The following COL4A4 variants were observed in gnomAD, a reference collection of about 807,000 sequenced individuals.
COL4A4 encodes collagen type IV alpha 4 chain.
Under a neutral mutation model 192.9 loss-of-function variants are expected in COL4A4, and 105 were observed. That is an observed-to-expected ratio of 0.54 (90% confidence interval 0.46 to 0.64). COL4A4 has a LOEUF of 0.64. Ranked by LOEUF, COL4A4 falls within the 30% of genes least tolerant of loss-of-function variation. The pLI is 0.00. For missense variants in COL4A4, 1,967 were observed against 2,169.3 expected, an observed-to-expected ratio of 0.91 and a Z score of 1.85; for synonymous variants, 762 against 769.9, an observed-to-expected ratio of 0.99 and a Z score of 0.17.
intron 5 of COL4A4, 87 bp downstream of exon 5, chr2:227,120,927 A>T: frequency 6.5e-7 from 1 of 1,546,844 alleles, no homozygotes. Context: ...TGACAGAGTA[A>T]GACTGTCTAA....
At chr2:227,158,469 A>G (rs185213633) in intron 1 of COL4A4, among the ~76,000 whole-genome samples, 8 of 152,258 alleles carry the variant, frequency 5.3e-5, no homozygotes, top group African/African-American at 1.9e-4. Context: ...AAAGAAAAAA[A>G]TTATAAATTA....
intron 25 of COL4A4, among the ~76,000 whole-genome samples, chr2:227,075,866 T>C (rs2058996304): frequency 6.6e-6 from 1 of 152,046 alleles, no homozygotes; most frequent in Admixed American, 6.6e-5. Context: ...AGCCAAATCA[T>C]GAGTGAACTC....
rs1383593528 is a variant in COL4A4 at position 227,101,613 on chromosome 2, T to A, written c.976-56A>T. 6 of 1,503,270 alleles carry A rather than the reference T, an allele frequency of 4.0e-6. No homozygotes were observed. In the Admixed American group the frequency reaches 6.9e-5, roughly 17 times the overall value. The allele number at this position is 1,503,270 out of a possible 1,614,324, so 93.1% of individuals were successfully genotyped here. A position where few individuals can be genotyped will look rare whatever the true frequency, so the allele number is the denominator to read the frequency against. On this transcript the variant is annotated intron_variant, in intron 16 of 47. Coordinates refer to ENST00000396625, the MANE Select transcript of COL4A4 (RefSeq NM_000092.5). ...AAAAAAGTGACTGGGTGACAAATTA[T>A]CTCATTCTCATTTAATTTAAGCAAC...
At chr2:227,112,042 C>T (rs550089611) in intron 8 of COL4A4, among the ~76,000 whole-genome samples, 1 of 152,226 alleles carries the variant, frequency 6.6e-6, no homozygotes, top group South Asian at 2.1e-4. Flanking sequence ...TGTCTTTCCA[C>T]ACCTTGCTAT....
At chr2:227,134,656 T>C (rs2062694923) in intron 4 of COL4A4, among the ~76,000 whole-genome samples, 1 of 152,250 alleles carries the variant, frequency 6.6e-6, no homozygotes, top group African/African-American at 2.4e-5. Context: ...TATCATGGAA[T>C]GCAAGCTCTT....
At chr2:227,105,151 C>A (rs2060765479) in intron 12 of COL4A4, among the ~76,000 whole-genome samples, 1 of 148,988 alleles carries the variant, frequency 6.7e-6, no homozygotes, top group East Asian at 2.0e-4. Context: ...ATTTTGTGAG[C>A]CTTTTTCTAT....
chr2:227,119,906 C>T lies in COL4A4; in HGVS notation c.361G>A (p.Asp121Asn), dbSNP rs750148143. The T allele has an allele frequency of 1.1e-5, 17 of 1,587,806 alleles. No homozygotes were observed. The highest frequency in any genetic ancestry group is 1.5e-5 in the Non-Finnish European group (17 of 1,165,986). Residue 121 changes from aspartate (D) to asparagine (N), a missense_variant, in exon 6 of 48, where the codon GAT becomes AAT. Physicochemically the swap from Asp to Asn is conservative, Grantham distance 23. Transcript: ENST00000396625. ...TTAGGGATACTTACAGGTATGCCAT[C>T]TAAACCTGGAAATCCAGGAACACCA... ...PTGVPGFPGL[D>N]GIPGHPGPPG...
At chr2:227,028,545 G>A (rs955028814) in intron 41 of COL4A4, among the ~76,000 whole-genome samples, 1 of 151,990 alleles carries the variant, frequency 6.6e-6, no homozygotes, top group Non-Finnish European at 1.5e-5. Flanking sequence ...GTTGCTTTTT[G>A]ATAAGCTCTT....
At chr2:227,163,361 C>A (rs1327697185) in intron 1 of COL4A4, among the ~76,000 whole-genome samples, 1 of 152,236 alleles carries the variant, frequency 6.6e-6, no homozygotes, top group East Asian at 1.9e-4. Flanking sequence ...GTTGCTTAAT[C>A]GGCCTGCTGT....
At position 227,007,360 on chromosome 2, in the gene COL4A4, T is replaced by C; in HGVS notation, c.5038A>G (p.Ile1680Val). 1 of 1,614,222 alleles carries C rather than the reference T, an allele frequency of 6.2e-7. No individual in the cohort carries two copies. The highest frequency in any genetic ancestry group is 1.1e-5 in the South Asian group (1 of 91,084). ...TTCACGCAGACCTGGCACCGGCTGA[T>C]TTTCTGGCGTTGGGCCTGGCTTTCT... is the stretch of plus-strand genomic sequence containing the variant. ...LKESQAQRQK[I>V]SRCQVCVKYS is the part of the protein sequence containing the mutation. The change falls in exon 48 of 48, where the codon ATC becomes GTC. Residue 1680 changes from isoleucine (I) to valine (V), a missense_variant. Coordinates refer to ENST00000396625, the MANE Select transcript of COL4A4 (RefSeq NM_000092.5).
intron 2 of COL4A4, among the ~76,000 whole-genome samples, chr2:227,145,160 C>T (rs185479184): frequency 6.6e-6 from 1 of 152,130 alleles, no homozygotes; most frequent in African/African-American, 2.4e-5. Flanking sequence ...TAAAAGACCA[C>T]TAAAAGGCCA....
Position 227,041,858 on chromosome 2 carries a change from GAA to G in COL4A4, c.3505+288_3505+289del, listed in dbSNP as rs374732777. 5.3e-3 allele frequency among the ~76,000 whole-genome samples: 518 copies of G among 98,460 alleles called. 4 individuals are homozygous for G. Among genetic ancestry groups the G allele is most frequent in the South Asian group, 9.7e-3 (27 of 2,788 alleles). The allele number at this position is 98,460 out of a possible 152,430, so 64.6% of individuals were successfully genotyped here. Reference sequence around the variant, plus strand: ...AAAGAAAGAAAGAAAGAGAAAGAAAGAAAGAAAGAAAGAAAGAAAGAAAGAAA... The same window carrying G: ...AAAGAAAGAAAGAAAGAGAAAGAAAGAGAAAGAAAGAAAGAAAGAAAGAAA... On this transcript the variant is annotated intron_variant, in intron 37 of 47. Coordinates refer to ENST00000396625, the MANE Select transcript of COL4A4 (RefSeq NM_000092.5).
chr2:227,142,094 A>G (rs1214935961), intron 3 of COL4A4, among the ~76,000 whole-genome samples: 1 of 72,544 alleles, frequency 1.4e-5, no homozygotes, highest in Non-Finnish European at 2.7e-5. Context: ...AGATTAGTAG[A>G]TTCAAAAAAA....
rs6436643 is a variant in COL4A4 at position 227,030,143 on chromosome 2, C to T, written c.3973+300G>A. On this transcript the variant is annotated intron_variant, in intron 41 of 47. Transcript: ENST00000396625. ...ATGAAAGTTCACTTGTTTTTACTTGCTAAAATGTGTCTACTATATTTTTAA... is the reference window on the plus strand; with the variant it reads ...ATGAAAGTTCACTTGTTTTTACTTGTTAAAATGTGTCTACTATATTTTTAA... Among the ~76,000 whole-genome samples, 149,885 of 151,832 alleles carry T rather than the reference C, an allele frequency of 0.99. 73,986 individuals carry two copies. The highest frequency in any genetic ancestry group is 1 in the East Asian group (5,180 of 5,180).
chr2:227,004,241 C>T lies in COL4A4; in HGVS notation c.*3084G>A, dbSNP rs1221422327. On this transcript the variant is annotated 3_prime_UTR_variant, in exon 48 of 48. Transcript: ENST00000396625. Reference sequence around the variant, plus strand: ...AATGAGGACAGCCCCGTGCACTGCACAAGAGCAGCAGAAGGGAGCCTAAGT... The same window carrying T: ...AATGAGGACAGCCCCGTGCACTGCATAAGAGCAGCAGAAGGGAGCCTAAGT... 2 of 152,300 alleles carry T rather than the reference C, an allele frequency of 1.3e-5. No homozygotes were observed. The highest frequency in any genetic ancestry group is 2.9e-5 in the Non-Finnish European group (2 of 68,086). 9.4% of individuals were successfully genotyped at this position (152,300 alleles called of 1,614,324 possible).
At chr2:226,992,525 C>T in the COL4A4 span, among the ~76,000 whole-genome samples, 1 of 152,094 alleles carries the variant, frequency 6.6e-6, no homozygotes, top group Non-Finnish European at 1.5e-5. Flanking sequence ...TATTGTTATA[C>T]CCAAGGTCTT....
intron 37 of COL4A4, among the ~76,000 whole-genome samples, chr2:227,034,656 G>A (rs1374214182): frequency 2.0e-5 from 3 of 150,476 alleles, no homozygotes; most frequent in African/African-American, 7.3e-5. Flanking sequence ...ATGCTGGTGT[G>A]CTGCACCCAC....
the COL4A4 span, among the ~76,000 whole-genome samples, chr2:226,978,340 A>G: frequency 6.6e-6 from 1 of 152,126 alleles, no homozygotes; most frequent in African/African-American, 2.4e-5. Flanking sequence ...TTTTTTGCCA[A>G]GCCACTAGTT....
intron 41 of COL4A4, 41 bp downstream of exon 41, chr2:227,030,402 C>T (rs768735931): frequency 6.2e-7 from 1 of 1,607,794 alleles, no homozygotes; most frequent in Non-Finnish European, 8.5e-7. Flanking sequence ...GGTAAGATAA[C>T]CAAGTTATTC....
Sources: allele counts gnomAD v4.1 joint callset (sites outside exome capture counted in the v4.1 genomes callset), GRCh38; gene constraint gnomAD v4.1.1; transcripts MANE v1.5; gene names NCBI Gene and HGNC (gene_info 2026-07-23, HGNC 2026-07-21).